Variants in DPPA2 observed in about 807,000 individuals in gnomAD.
DPPA2 encodes developmental pluripotency-associated protein 2.
DPPA2 carries 26 observed loss-of-function variants against 36.2 expected under a neutral mutation model. The observed-to-expected ratio is 0.72, with a 90% CI of 0.53 to 1.00. DPPA2 has a LOEUF of 1.00. Among genes scored for constraint, DPPA2 ranks in the 50% least tolerant of loss-of-function variants. The pLI is 0.00. For synonymous variants in DPPA2, 113 were observed against 123.2 expected (o/e 0.92, Z 0.55); for missense variants, 361 against 365.1 (o/e 0.99, Z 0.09).
chr3:109,308,220 G>C lies in DPPA2; in HGVS notation c.470C>G (p.Ala157Gly). The C allele has an allele frequency of 6.2e-7, 1 of 1,614,174 alleles. No homozygotes were observed. Among genetic ancestry groups the C allele is most frequent in the Non-Finnish European group, 8.5e-7 (1 of 1,180,028 alleles). Residue 157 changes from alanine (A) to glycine (G), a missense_variant, in exon 6 of 9, where the codon GCA becomes GGA. Physicochemically the swap from Ala to Gly is moderately conservative, Grantham distance 60. Coordinates refer to ENST00000478945, the MANE Select transcript of DPPA2 (RefSeq NM_138815.4). ...CATCTCATAACTTCTCTGAAGCCTT[G>C]CTCTCTTGGTCACTGCCTTGCGTTT... is the stretch of plus-strand genomic sequence containing the variant. ...SRKRKAVTKR[A>G]RLQRSYEMNE...
In DPPA2 at chr3:109,316,471, C is replaced by T. The variant is rs1011003248; in HGVS notation, c.-201G>A. On this transcript the variant is annotated 5_prime_UTR_variant, in exon 1 of 9. Transcript: ENST00000478945. ...CAGCCCTCCGGACGATTCTTAAGCT[C>T]CTGAAGTCTAGAAGCCTTAGCTAGA... The T allele has an allele frequency of 1.3e-5, 2 of 152,334 alleles. No individual in the cohort carries two copies. Among genetic ancestry groups the T allele is most frequent in the Admixed American group, 1.3e-4 (2 of 15,262 alleles). 9.4% of individuals were successfully genotyped at this position (152,334 alleles called of 1,614,324 possible).
chr3:109,301,731 T>C (rs1344510588), intron 7 of DPPA2, among the ~76,000 whole-genome samples: 1 of 150,442 alleles, frequency 6.6e-6, no homozygotes, highest in Non-Finnish European at 1.5e-5. Flanking sequence ...CGAGAGTCAG[T>C]GAGGGAGGGA....
Position 109,314,531 on chromosome 3 carries a change from T to G in DPPA2, c.12A>C (p.Ala4=). 6.2e-7 allele frequency: 1 copy of G among 1,610,544 alleles called. No homozygotes were observed. Among genetic ancestry groups the G allele is most frequent in the Admixed American group, 1.7e-5 (1 of 59,980 alleles). Residue 4 remains alanine (A), a synonymous_variant, in exon 2 of 9, where the codon GCA becomes GCC. Coordinates refer to ENST00000478945, the MANE Select transcript of DPPA2 (RefSeq NM_138815.4). MSD[A]NLDSSKKNFL... ...TTACCTTCTTGCTGCTATCCAAATT[T>G]GCATCTGACATTTTCAGCAACACCC...
At chr3:109,294,829 C>A (rs907359773) in intron 8 of DPPA2, among the ~76,000 whole-genome samples, 1 of 152,152 alleles carries the variant, frequency 6.6e-6, no homozygotes, top group African/African-American at 2.4e-5. Flanking sequence ...CAAGAGCAGC[C>A]TGGCCAATAC....
In DPPA2 at chr3:109,312,624, G is replaced by T; in HGVS notation, c.102C>A (p.Asp34Glu). ...VILTLVPVKD[D>E]ANMEQMEPSV... ...TTGGTTCCATTTGTTCCATATTTGC[G>T]TCATCTTTAACTGGCACCAGTGTCA... Residue 34 changes from aspartate to glutamate, a missense_variant, in exon 3 of 9, where the codon GAC becomes GAA. Coordinates refer to ENST00000478945, the MANE Select transcript of DPPA2 (RefSeq NM_138815.4). The T allele has an allele frequency of 6.2e-7, 1 of 1,613,720 alleles. No homozygotes were observed. The highest frequency in any genetic ancestry group is 8.5e-7 in the Non-Finnish European group (1 of 1,179,800).
intron 1 of DPPA2, among the ~76,000 whole-genome samples, chr3:109,315,908 T>C (rs1707777337): frequency 1.3e-5 from 2 of 152,226 alleles, no homozygotes; most frequent in Admixed American, 1.3e-4. Flanking sequence ...GAAAAAAATG[T>C]AGTCTGAAAA....
At chr3:109,303,918 C>G (rs1707502650) in intron 7 of DPPA2, among the ~76,000 whole-genome samples, 1 of 151,604 alleles carries the variant, frequency 6.6e-6, no homozygotes, top group African/African-American at 2.4e-5. Context: ...GGGTGGATGT[C>G]CTGAGGTCAG....
At chr3:109,311,843 C>T (rs1183463641) in intron 3 of DPPA2, among the ~76,000 whole-genome samples, 1 of 152,160 alleles carries the variant, frequency 6.6e-6, no homozygotes, top group Non-Finnish European at 1.5e-5. Context: ...ATTTTAAGAG[C>T]TGCTATTCGT....
At chr3:109,307,171 G>A (rs990726267) in intron 6 of DPPA2, among the ~76,000 whole-genome samples, 1 of 151,790 alleles carries the variant, frequency 6.6e-6, no homozygotes, top group Non-Finnish European at 1.5e-5. Flanking sequence ...ATTTCACCAT[G>A]TTACCCAGGC....
chr3:109,300,378 T>C lies in DPPA2; in HGVS notation c.*15A>G, dbSNP rs759176146. ...CATATTCTCATCTCTTACATTGTAT[T>C]CAAACAGGTTGCTGCTACTTCTCTA... On this transcript the variant is annotated 3_prime_UTR_variant, in exon 8 of 9. Coordinates refer to ENST00000478945, the MANE Select transcript of DPPA2 (RefSeq NM_138815.4). The C allele has an allele frequency of 6.2e-7, 1 of 1,612,510 alleles. No individual in the cohort carries two copies. Among genetic ancestry groups the C allele is most frequent in the Admixed American group, 1.7e-5 (1 of 60,020 alleles).
rs568777563 is a variant in DPPA2 at position 109,304,690 on chromosome 3, A to G, written c.659-20T>C. On this transcript the variant is annotated intron_variant, in intron 6 of 8. Transcript: ENST00000478945. ...TGACGCCTGGAAAGGAAAAACAAATATAGACAGCAAAAATCAAGATAGCAC... is the reference window on the plus strand; with the variant it reads ...TGACGCCTGGAAAGGAAAAACAAATGTAGACAGCAAAAATCAAGATAGCAC... 4.0e-5 allele frequency: 63 copies of G among 1,562,912 alleles called. 1 individual carries two copies. The South Asian group carries it at 5.4e-4, about 13-fold the overall frequency.
At chr3:109,296,909 A>G (rs1408899489) in intron 8 of DPPA2, among the ~76,000 whole-genome samples, 1 of 152,038 alleles carries the variant, frequency 6.6e-6, no homozygotes, top group Non-Finnish European at 1.5e-5. Context: ...CAACATGGCA[A>G]AACCCCATCT....
chr3:109,312,496 C>T (rs781757725), intron 3 of DPPA2, 49 bp downstream of exon 3: 4 of 1,559,420 alleles, frequency 2.6e-6, no homozygotes, highest in Non-Finnish European at 3.5e-6. Context: ...TTTTCCTGGG[C>T]TTCCCAGAGT....
chr3:109,305,740 C>T (rs2699958), intron 6 of DPPA2, among the ~76,000 whole-genome samples: 34,831 of 148,550 alleles, frequency 0.23, 4,304 homozygotes, highest in Middle Eastern at 0.29. Flanking sequence ...CGCCATTGCA[C>T]TCCAGCCTGG....
chr3:109,309,887 G>A (rs540684164), intron 3 of DPPA2, among the ~76,000 whole-genome samples: 1 of 151,648 alleles, frequency 6.6e-6, no homozygotes, highest in South Asian at 2.1e-4. Context: ...ATCGAGACCA[G>A]CCCGGCCAAC....
intron 6 of DPPA2, among the ~76,000 whole-genome samples, chr3:109,306,511 T>C (rs1355837221): frequency 6.6e-6 from 1 of 151,864 alleles, no homozygotes; most frequent in Non-Finnish European, 1.5e-5. Context: ...TGGAATAAAA[T>C]AGGATCTAGA....
intron 6 of DPPA2, among the ~76,000 whole-genome samples, chr3:109,304,917 C>A (rs1279335114): frequency 2.0e-5 from 3 of 151,890 alleles, no homozygotes; most frequent in Non-Finnish European, 4.4e-5. Context: ...GAGGTTGAGG[C>A]GGGAGGATCA....
At chr3:109,298,265 T>C (rs1367491536) in intron 8 of DPPA2, among the ~76,000 whole-genome samples, 2 of 152,164 alleles carry the variant, frequency 1.3e-5, no homozygotes, top group Non-Finnish European at 2.9e-5. Flanking sequence ...TAAAACCTAA[T>C]ATGAACTATA....
intron 3 of DPPA2, among the ~76,000 whole-genome samples, chr3:109,310,186 C>A: frequency 6.7e-6 from 1 of 149,092 alleles, no homozygotes; most frequent in East Asian, 2.0e-4. Context: ...CAAGATCGCG[C>A]CATTGCACTC....
Sources: allele counts gnomAD v4.1 joint callset (sites outside exome capture counted in the v4.1 genomes callset), GRCh38; gene constraint gnomAD v4.1.1; transcripts MANE v1.5; gene names NCBI Gene and HGNC (gene_info 2026-07-23, HGNC 2026-07-21).